Variants in ZNF292 observed in about 807,000 individuals in gnomAD.
The protein encoded by ZNF292 is 16 zinc-finger domain protein.
Under a neutral mutation model 217.9 loss-of-function variants are expected in ZNF292, and 26 were observed. The observed-to-expected ratio is 0.12, with a 90% CI of 0.09 to 0.17. The LOEUF (loss-of-function observed/expected upper bound fraction) is 0.17. ZNF292 is among the 10% of genes least tolerant of loss of function. The probability of loss-of-function intolerance (pLI) is 1.00; values close to 1 mark genes in which losing one functional copy is unlikely to be tolerated. For missense variants in ZNF292, 2,904 were observed against 3,175.2 expected (o/e 0.91, Z 2.05); for synonymous variants, 1,257 against 1,124.1 (o/e 1.12, Z -2.37).
chr6:87,234,718 A>C (rs1485495402), intron 5 of ZNF292, among the ~76,000 whole-genome samples: 1 of 152,140 alleles, frequency 6.6e-6, no homozygotes, highest in Non-Finnish European at 1.5e-5. Flanking sequence ...AAACATAAGG[A>C]TATGTTAAGG....
At chr6:87,228,812 A>G (rs1285930595) in intron 4 of ZNF292, among the ~76,000 whole-genome samples, 4 of 152,262 alleles carry the variant, frequency 2.6e-5, no homozygotes, top group East Asian at 1.9e-4. Flanking sequence ...CAGTATCATC[A>G]GTGTTTGATT....
intron 4 of ZNF292, among the ~76,000 whole-genome samples, chr6:87,232,286 A>G (rs1773694634): frequency 6.6e-6 from 1 of 152,122 alleles, no homozygotes; most frequent in Non-Finnish European, 1.5e-5. Flanking sequence ...AAATGAAAGT[A>G]CTAGAGGGAA....
chr6:87,242,528 GAA>G (rs1427094077), intron 5 of ZNF292, among the ~76,000 whole-genome samples: 1 of 152,104 alleles, frequency 6.6e-6, no homozygotes, highest in Admixed American at 6.5e-5. Flanking sequence ...AATATTTTAT[GAA>G]AGAGAGAAAA....
rs1320711229 is a variant in ZNF292 at position 87,226,631 on chromosome 6, ATATATATC to A, written c.539-6678_539-6671del. Among the ~76,000 whole-genome samples, 48 of 130,948 alleles carry A rather than the reference ATATATATC, an allele frequency of 3.7e-4. No homozygotes were observed. The East Asian group carries it at 6.9e-3, about 19-fold the overall frequency. 85.9% of individuals were successfully genotyped at this position (130,948 alleles called of 152,430 possible). A position where few individuals can be genotyped will look rare whatever the true frequency, so the allele number is the denominator to read the frequency against. On this transcript the variant is annotated intron_variant, in intron 4 of 7. Transcript: ENST00000369577. Reference sequence around the variant, plus strand: ...AAGGACATTATTTTTTAGTGTGTGTATATATATCTATATATCTATATATATATAGATAT... The same window carrying A: ...AAGGACATTATTTTTTAGTGTGTGTATATATATCTATATATATATAGATAT...
chr6:87,164,677 T>C lies in ZNF292; in HGVS notation c.168+8918T>C, dbSNP rs181839920. On this transcript the variant is annotated intron_variant, in intron 1 of 7. Coordinates refer to ENST00000369577, the MANE Select transcript of ZNF292 (RefSeq NM_015021.3). ...TTCGATTGGCAAAAGTCATTCGCATTCCTGCTTTCTGATCTCAATCTCTAA... is the reference window on the plus strand; with the variant it reads ...TTCGATTGGCAAAAGTCATTCGCATCCCTGCTTTCTGATCTCAATCTCTAA... Among the ~76,000 whole-genome samples, 215 of 152,224 alleles carry C rather than the reference T, an allele frequency of 1.4e-3. 2 individuals carry two copies. Among genetic ancestry groups the C allele is most frequent in the Non-Finnish European group, 2.3e-3 (155 of 68,008 alleles).
intron 1 of ZNF292, among the ~76,000 whole-genome samples, chr6:87,189,159 C>T (rs1476413271): frequency 1.3e-5 from 2 of 151,922 alleles, no homozygotes; most frequent in African/African-American, 2.4e-5. Context: ...GAGTTGAGAT[C>T]GCACCACTGC....
At chr6:87,222,480 G>C (rs1379462923) in intron 4 of ZNF292, among the ~76,000 whole-genome samples, 1 of 152,028 alleles carries the variant, frequency 6.6e-6, no homozygotes, top group Non-Finnish European at 1.5e-5. Context: ...CCTTGTTTTT[G>C]ACAAATGTTT....
chr6:87,212,812 C>A (rs1280969459), intron 1 of ZNF292, among the ~76,000 whole-genome samples: 2 of 152,198 alleles, frequency 1.3e-5, no homozygotes, highest in Non-Finnish European at 2.9e-5. Context: ...TTCTAGCAGT[C>A]CATAGTTCTC....
chr6:87,201,346 C>G (rs1256502985), intron 1 of ZNF292, among the ~76,000 whole-genome samples: 1 of 152,126 alleles, frequency 6.6e-6, no homozygotes, highest in African/African-American at 2.4e-5. Flanking sequence ...AGAAAACCTT[C>G]TTTGCCCTAA....
intron 5 of ZNF292, among the ~76,000 whole-genome samples, chr6:87,234,296 C>T (rs1773792550): frequency 6.6e-6 from 1 of 152,162 alleles, no homozygotes; most frequent in Non-Finnish European, 1.5e-5. Flanking sequence ...CTGTGGCTCA[C>T]GCCTGTAATC....
At chr6:87,208,704 T>C (rs553722675) in intron 1 of ZNF292, among the ~76,000 whole-genome samples, 1 of 152,152 alleles carries the variant, frequency 6.6e-6, no homozygotes, top group Non-Finnish European at 1.5e-5. Flanking sequence ...AAAAGGTGAT[T>C]GAGAGCTCCA....
intron 1 of ZNF292, among the ~76,000 whole-genome samples, chr6:87,200,597 T>G (rs1162262650): frequency 1.3e-5 from 2 of 152,216 alleles, no homozygotes; most frequent in African/African-American, 2.4e-5. Flanking sequence ...TAAGCCTAGT[T>G]TATAGCAAAG....
intron 1 of ZNF292, among the ~76,000 whole-genome samples, chr6:87,203,616 A>AGTGCTGC (rs1293585848): frequency 3.3e-5 from 5 of 151,904 alleles, no homozygotes; most frequent in Non-Finnish European, 7.4e-5. Context: ...GGGGTGCTGC[A>AGTGCTGC]ATGGCCCAGA....
At chr6:87,204,255 G>A (rs943589723) in intron 1 of ZNF292, among the ~76,000 whole-genome samples, 4 of 152,060 alleles carry the variant, frequency 2.6e-5, no homozygotes, top group African/African-American at 2.4e-5. Flanking sequence ...TCTATAAAAC[G>A]TCATTGGGAT....
In ZNF292 at chr6:87,265,781, T is replaced by C. The variant is rs1775785233; in HGVS notation, c.*3980T>C. ...TTCAATTGTATCAGCTGTTTGCAAA[T>C]GGTGATTATTCTGATTGATCAATTT... On this transcript the variant is annotated 3_prime_UTR_variant, in exon 8 of 8. Coordinates refer to ENST00000369577, the MANE Select transcript of ZNF292 (RefSeq NM_015021.3). 6.6e-6 allele frequency among the ~76,000 whole-genome samples: 1 copy of C among 152,212 alleles called. No individual in the cohort carries two copies. The highest frequency in any genetic ancestry group is 1.5e-5 in the Non-Finnish European group (1 of 68,036).
intron 1 of ZNF292, among the ~76,000 whole-genome samples, chr6:87,182,461 G>A (rs969060336): frequency 6.6e-5 from 10 of 152,122 alleles, no homozygotes; most frequent in East Asian, 1.9e-4. Flanking sequence ...TAGGAGGCTC[G>A]GGTAAAAGAA....
intron 1 of ZNF292, among the ~76,000 whole-genome samples, chr6:87,189,836 G>A (rs1771776543): frequency 6.6e-6 from 1 of 152,136 alleles, no homozygotes; most frequent in Non-Finnish European, 1.5e-5. Flanking sequence ...ACTATTTGTA[G>A]CCCACACTTA....
At chr6:87,254,017 C>G (rs890419748) in intron 7 of ZNF292, among the ~76,000 whole-genome samples, 1 of 152,200 alleles carries the variant, frequency 6.6e-6, no homozygotes, top group African/African-American at 2.4e-5. Context: ...AATTCTTAAG[C>G]TGGTCCAGCC....
chr6:87,160,797 C>A (rs1770721387), intron 1 of ZNF292, among the ~76,000 whole-genome samples: 2 of 152,050 alleles, frequency 1.3e-5, no homozygotes, highest in Admixed American at 1.3e-4. Context: ...TATGTGGGAT[C>A]AGGTTTTTGG....
Sources: gnomAD v4.1 joint callset for allele counts (sites outside exome capture counted in the v4.1 genomes callset) on GRCh38, gnomAD v4.1.1 for gene constraint, MANE v1.5 for transcripts, NCBI Gene and HGNC (gene_info 2026-07-23, HGNC 2026-07-21) for gene names.